Variants in ANKIB1 observed in about 807,000 individuals in gnomAD.
The protein encoded by ANKIB1 is ankyrin repeat and IBR domain containing 1, also known as ankyrin repeat and IBR domain-containing protein 1.
A neutral mutation model predicts 122.1 loss-of-function variants in ANKIB1; 43 were observed. The observed-to-expected ratio is 0.35, with a 90% CI of 0.28 to 0.45. The LOEUF (loss-of-function observed/expected upper bound fraction) is 0.45, where lower values mean the gene tolerates loss of function less well. Among genes scored for constraint, ANKIB1 ranks in the 20% least tolerant of loss-of-function variants. The pLI, the probability that ANKIB1 is intolerant of heterozygous loss-of-function variation, is 1.00. For synonymous variants in ANKIB1, 390 were observed against 442.0 expected, an observed-to-expected ratio of 0.88 and a Z score of 1.48; for missense variants, 992 against 1,329.5, an observed-to-expected ratio of 0.75 and a Z score of 3.95.
chr7:92,298,768 TAAAAAAA>T (rs34091044), intron 2 of ANKIB1, among the ~76,000 whole-genome samples: 1 of 117,626 alleles, frequency 8.5e-6, no homozygotes, highest in Non-Finnish European at 1.8e-5. Flanking sequence ...CACTTGCAGT[TAAAAAAA>T]AAAAAAAAAA....
intron 9 of ANKIB1, among the ~76,000 whole-genome samples, chr7:92,357,020 A>G (rs902640729): frequency 7.9e-5 from 12 of 152,376 alleles, no homozygotes; most frequent in African/African-American, 2.2e-4. Flanking sequence ...GAAATTGCCA[A>G]CTTCTGGATA....
At chr7:92,356,949 A>T (rs982715560) in intron 9 of ANKIB1, among the ~76,000 whole-genome samples, 5 of 152,204 alleles carry the variant, frequency 3.3e-5, no homozygotes, top group African/African-American at 1.2e-4. Context: ...AAAAATGAAG[A>T]TTTCTACTTA....
intron 1 of ANKIB1, among the ~76,000 whole-genome samples, chr7:92,293,270 A>G (rs1365795295): frequency 6.6e-6 from 1 of 152,208 alleles, no homozygotes; most frequent in East Asian, 1.9e-4. Context: ...TCCCCAGGTT[A>G]TTATACAGCC....
intron 10 of ANKIB1, among the ~76,000 whole-genome samples, chr7:92,363,119 C>T (rs991756726): frequency 6.6e-6 from 1 of 151,384 alleles, no homozygotes; most frequent in Admixed American, 6.6e-5. Context: ...AATAAATCTA[C>T]ACTTATAGGG....
At chr7:92,250,749 G>A (rs1043889030) in intron 1 of ANKIB1, among the ~76,000 whole-genome samples, 1 of 152,120 alleles carries the variant, frequency 6.6e-6, no homozygotes, top group Admixed American at 6.5e-5. Context: ...TTATTGGTAG[G>A]ATATATACTT....
intron 2 of ANKIB1, among the ~76,000 whole-genome samples, chr7:92,300,172 G>A (rs1421946167): frequency 6.6e-6 from 1 of 152,092 alleles, no homozygotes; most frequent in Non-Finnish European, 1.5e-5. Flanking sequence ...TGCTGATCTG[G>A]TTCCTCCAAG....
intron 12 of ANKIB1, 97 bp downstream of exon 12, chr7:92,386,740 A>T: frequency 8.8e-7 from 1 of 1,138,126 alleles, no homozygotes; most frequent in East Asian, 3.0e-5. Context: ...TTAATAAAGT[A>T]TTAAATTGAA....
chr7:92,264,871 C>G (rs1313205378), intron 1 of ANKIB1, among the ~76,000 whole-genome samples: 1 of 152,058 alleles, frequency 6.6e-6, no homozygotes, highest in African/African-American at 2.4e-5. Context: ...AAATTTATAG[C>G]AAATGATTTG....
chr7:92,379,531 G>A (rs1190016477), intron 11 of ANKIB1, among the ~76,000 whole-genome samples: 5 of 152,036 alleles, frequency 3.3e-5, no homozygotes, highest in Non-Finnish European at 7.4e-5. Flanking sequence ...TGTAGTGCTG[G>A]CACATGAAAC....
chr7:92,346,932 C>T (rs1472472867), intron 7 of ANKIB1, among the ~76,000 whole-genome samples: 4 of 152,166 alleles, frequency 2.6e-5, no homozygotes, highest in African/African-American at 9.7e-5. Flanking sequence ...TCTAGCCTAC[C>T]TAGGATTCTC....
At chr7:92,278,362 C>G (rs1801947951) in intron 1 of ANKIB1, among the ~76,000 whole-genome samples, 1 of 152,190 alleles carries the variant, frequency 6.6e-6, no homozygotes, top group Non-Finnish European at 1.5e-5. Context: ...TAATCATAGG[C>G]TCAGCAGTCG....
intron 1 of ANKIB1, among the ~76,000 whole-genome samples, chr7:92,271,573 G>A (rs978625383): frequency 3.9e-5 from 6 of 152,056 alleles, no homozygotes; most frequent in East Asian, 1.9e-4. Context: ...ATGTTGAGCC[G>A]GAAAACTTTT....
rs912086376 is a variant in ANKIB1 at position 92,381,809 on chromosome 7, G to A, written c.1618-4700G>A. ...AACATGCCAAATTGTAAAGACCATC[G>A]ATGCTAGGAAGAAACTGCATCAACT... is the stretch of plus-strand genomic sequence containing the variant. On this transcript the variant is annotated intron_variant, in intron 11 of 19. Transcript: ENST00000265742. Among the ~76,000 whole-genome samples, 6 of 152,102 alleles carry A rather than the reference G, an allele frequency of 3.9e-5. No homozygotes were observed. The South Asian group carries it at 6.2e-4, about 16-fold the overall frequency.
At chr7:92,276,717 G>A (rs947991544) in intron 1 of ANKIB1, among the ~76,000 whole-genome samples, 2 of 152,254 alleles carry the variant, frequency 1.3e-5, no homozygotes, top group Admixed American at 6.5e-5. Flanking sequence ...TATCTGGCCT[G>A]AAGATAAATT....
intron 2 of ANKIB1, among the ~76,000 whole-genome samples, chr7:92,299,362 T>C (rs1310397545): frequency 6.6e-6 from 1 of 152,196 alleles, no homozygotes; most frequent in Non-Finnish European, 1.5e-5. Context: ...GAAAGATATA[T>C]TCAAAATGTA....
At chr7:92,344,507 ATACT>A (rs1803500079) in intron 6 of ANKIB1, among the ~76,000 whole-genome samples, 1 of 151,942 alleles carries the variant, frequency 6.6e-6, no homozygotes, top group Admixed American at 6.6e-5. Context: ...GCCCGGCCTA[ATACT>A]TAGTTTTATA....
At chr7:92,339,886 T>A (rs1218837843) in intron 5 of ANKIB1, among the ~76,000 whole-genome samples, 1 of 151,984 alleles carries the variant, frequency 6.6e-6, no homozygotes, top group Non-Finnish European at 1.5e-5. Context: ...TACTTTGCCT[T>A]TATCACCTTC....
intron 14 of ANKIB1, among the ~76,000 whole-genome samples, chr7:92,389,577 G>A (rs1160485545): frequency 6.6e-6 from 1 of 152,024 alleles, no homozygotes; most frequent in African/African-American, 2.4e-5. Flanking sequence ...CTTAGAAAAG[G>A]CATTTGTTCT....
intron 10 of ANKIB1, among the ~76,000 whole-genome samples, chr7:92,364,474 C>T (rs575353359): frequency 1.2e-4 from 18 of 152,110 alleles, no homozygotes; most frequent in Admixed American, 2.6e-4. Flanking sequence ...ATACCATTAC[C>T]CTGCAGCACC....
Sources: gnomAD v4.1 joint callset for allele counts (sites outside exome capture counted in the v4.1 genomes callset) on GRCh38, gnomAD v4.1.1 for gene constraint, MANE v1.5 for transcripts, NCBI Gene and HGNC (gene_info 2026-07-23, HGNC 2026-07-21) for gene names.